NPEPPS: variants seen among roughly 807,000 people sequenced by gnomAD.
NPEPPS encodes puromycin-sensitive aminopeptidase.
Under a neutral mutation model 115.5 loss-of-function variants are expected in NPEPPS, and 14 were observed. The observed-to-expected ratio is 0.12, with a 90% CI of 0.08 to 0.19. NPEPPS has a LOEUF of 0.19. NPEPPS is among the 10% of genes least tolerant of loss of function. The pLI, the probability that NPEPPS is intolerant of heterozygous loss-of-function variation, is 1.00. For missense variants in NPEPPS, 523 were observed against 1,110.8 expected (o/e 0.47, Z 7.52); for synonymous variants, 285 against 390.6 (o/e 0.73, Z 3.19).
intron 9 of NPEPPS, among the ~76,000 whole-genome samples, chr17:47,589,045 A>G (rs543141761): frequency 6.6e-5 from 10 of 152,128 alleles, no homozygotes; most frequent in African/African-American, 9.6e-5. Flanking sequence ...CCTCCTGAGT[A>G]GCTGCAATTA....
intron 9 of NPEPPS, among the ~76,000 whole-genome samples, chr17:47,588,066 A>G (rs958253506): frequency 3.9e-5 from 6 of 152,006 alleles, no homozygotes; most frequent in African/African-American, 1.5e-4. Context: ...AGCCAGCTAG[A>G]TTCCCTGACA....
chr17:47,525,740 A>G (rs1483230121), intron 1 of NPEPPS, among the ~76,000 whole-genome samples: 2 of 152,180 alleles, frequency 1.3e-5, no homozygotes, highest in African/African-American at 4.8e-5. Flanking sequence ...CATCTTGTAC[A>G]TACAGGAAAG....
intron 19 of NPEPPS, among the ~76,000 whole-genome samples, chr17:47,615,634 C>T (rs1468783952): frequency 6.6e-6 from 1 of 152,168 alleles, no homozygotes; most frequent in African/African-American, 2.4e-5. Flanking sequence ...TCTTAATATT[C>T]TGTGAACCTG....
chr17:47,552,898 AG>A (rs1429138442), intron 2 of NPEPPS, among the ~76,000 whole-genome samples: 3 of 152,274 alleles, frequency 2.0e-5, no homozygotes, highest in African/African-American at 7.2e-5. Context: ...AGGCACAGAG[AG>A]GGTATCTACT....
chr17:47,538,413 C>T (rs1461012427), intron 1 of NPEPPS, among the ~76,000 whole-genome samples: 1 of 150,680 alleles, frequency 6.6e-6, no homozygotes, highest in Non-Finnish European at 1.5e-5. Flanking sequence ...CAGGTTTCGC[C>T]ATGTTAGCTA....
At chr17:47,606,990 C>G (rs997821041) in intron 17 of NPEPPS, among the ~76,000 whole-genome samples, 1 of 151,798 alleles carries the variant, frequency 6.6e-6, no homozygotes, top group Non-Finnish European at 1.5e-5. Flanking sequence ...GTCAAGAGTT[C>G]AAGACCAGCC....
rs780169584 is a variant in NPEPPS at position 47,618,333 on chromosome 17, T to C, written c.2296-17T>C. The C allele has an allele frequency of 1.3e-6, 2 of 1,555,874 alleles. No homozygotes were observed. Among genetic ancestry groups the C allele is most frequent in the Admixed American group, 1.7e-5 (1 of 59,716 alleles). On this transcript the variant is annotated splice_polypyrimidine_tract_variant and intron_variant, in intron 19 of 22. Coordinates refer to ENST00000322157, the MANE Select transcript of NPEPPS (RefSeq NM_006310.4). ...AGGGAGAGTTAACTATTCCTATCTT[T>C]ATCTTTTTTCCTGTAGCTTCATAAA...
chr17:47,600,265 C>T (rs1216124471), intron 14 of NPEPPS, among the ~76,000 whole-genome samples: 3 of 152,080 alleles, frequency 2.0e-5, no homozygotes, highest in Non-Finnish European at 4.4e-5. Flanking sequence ...AAAACCTCAT[C>T]TCAAAAAAAT....
intron 13 of NPEPPS, among the ~76,000 whole-genome samples, chr17:47,598,668 A>T (rs1913019000): frequency 6.6e-6 from 1 of 152,236 alleles, no homozygotes; most frequent in Admixed American, 6.5e-5. Context: ...TTAAGCCGTA[A>T]TTTTTTCTTA....
At chr17:47,606,635 G>T (rs1176656877) in intron 17 of NPEPPS, among the ~76,000 whole-genome samples, 1 of 151,872 alleles carries the variant, frequency 6.6e-6, no homozygotes, top group Non-Finnish European at 1.5e-5. Context: ...TAGAGACGAG[G>T]TTTCGCCATG....
At chr17:47,535,408 G>A (rs1314294237) in intron 1 of NPEPPS, among the ~76,000 whole-genome samples, 4 of 151,034 alleles carry the variant, frequency 2.6e-5, no homozygotes, top group South Asian at 2.1e-4. Flanking sequence ...AAAATTAGCC[G>A]GGCGTGGTGG....
chr17:47,553,739 T>G (rs916869217), intron 2 of NPEPPS, among the ~76,000 whole-genome samples: 2 of 151,926 alleles, frequency 1.3e-5, no homozygotes, highest in Non-Finnish European at 2.9e-5. Flanking sequence ...GTTACATGAA[T>G]GTTGTGTGCG....
chr17:47,545,104 A>G (rs1909102340), intron 1 of NPEPPS, among the ~76,000 whole-genome samples: 1 of 152,080 alleles, frequency 6.6e-6, no homozygotes, highest in Non-Finnish European at 1.5e-5. Context: ...TCCTGGGCTT[A>G]AGGGATCCTC....
rs1375251815 is a variant in NPEPPS, at chr17:47,591,825, G to A, written c.1261-131G>A. On this transcript the variant is annotated intron_variant, in intron 10 of 22. Transcript: ENST00000322157. ...TTACTACATTTTTTTGAGGACCATCGTTATACATTATGAGTGAGTTAAAGG... is the reference window on the plus strand; with the variant it reads ...TTACTACATTTTTTTGAGGACCATCATTATACATTATGAGTGAGTTAAAGG... The A allele has an allele frequency of 1.6e-5, 8 of 503,584 alleles. No homozygotes were observed. In the Admixed American group the frequency reaches 1.8e-4, roughly 11 times the overall value. 31.2% of individuals were successfully genotyped at this position (503,584 alleles called of 1,614,324 possible).
At chr17:47,619,688 G>C (rs759807472) in intron 21 of NPEPPS, 49 bp from the exon 22 acceptor site, 1 of 1,490,636 alleles carries the variant, frequency 6.7e-7, no homozygotes, top group South Asian at 1.1e-5. Context: ...ATGGAAGTTT[G>C]TTCTCAGCCT....
intron 2 of NPEPPS, among the ~76,000 whole-genome samples, chr17:47,558,197 G>A (rs1373959139): frequency 6.6e-6 from 1 of 151,758 alleles, no homozygotes; most frequent in Non-Finnish European, 1.5e-5. Flanking sequence ...GTGTGATCTC[G>A]GCTCACTGCA....
At chr17:47,605,186 T>C in intron 16 of NPEPPS, 147 bp from the exon 17 acceptor site, 1 of 492,214 alleles carries the variant, frequency 2.0e-6, no homozygotes, top group Admixed American at 3.8e-5. Context: ...CTGAATAGGA[T>C]TTTTATGCTA....
At chr17:47,562,051 A>G (rs1282947830) in intron 2 of NPEPPS, among the ~76,000 whole-genome samples, 1 of 152,226 alleles carries the variant, frequency 6.6e-6, no homozygotes, top group East Asian at 1.9e-4. Flanking sequence ...CAGGGAGGGT[A>G]TGAGAGCTCT....
intron 1 of NPEPPS, among the ~76,000 whole-genome samples, chr17:47,536,318 T>A (rs1908253092): frequency 6.6e-6 from 1 of 151,972 alleles, no homozygotes; most frequent in Non-Finnish European, 1.5e-5. Flanking sequence ...AGATTAAAAA[T>A]TTGGCACCTG....
Sources: gnomAD v4.1 joint callset for allele counts (sites outside exome capture counted in the v4.1 genomes callset) on GRCh38, gnomAD v4.1.1 for gene constraint, MANE v1.5 for transcripts, NCBI Gene and HGNC (gene_info 2026-07-23, HGNC 2026-07-21) for gene names.